AGK: variants seen among roughly 807,000 people sequenced by gnomAD.
AGK encodes the protein acylglycerol kinase, mitochondrial.
In AGK, 52 loss-of-function variants were observed where a neutral mutation model predicts 66.4. The ratio of observed to expected loss-of-function variants is 0.78; its 90% CI spans 0.63 to 0.99. The LOEUF is 0.99. Ranked by LOEUF, AGK falls within the 50% of genes least tolerant of loss-of-function variation. The probability of loss-of-function intolerance (pLI) is 0.00; values close to 1 mark genes in which losing one functional copy is unlikely to be tolerated. For missense variants in AGK, 451 were observed against 506.6 expected, an observed-to-expected ratio of 0.89 and a Z score of 1.05; for synonymous variants, 182 against 181.1, an observed-to-expected ratio of 1.00 and a Z score of -0.04.
Position 141,641,773 on chromosome 7 carries a change from A to G in AGK, c.878-38A>G, listed in dbSNP as rs200792074. The G allele has an allele frequency of 2.3e-4, 353 of 1,529,156 alleles. 1 individual carries two copies. In the African/African-American group the frequency reaches 3.8e-3, roughly 17 times the overall value. The allele number at this position is 1,529,156 out of a possible 1,614,324, so 94.7% of individuals were successfully genotyped here. A position where few individuals can be genotyped will look rare whatever the true frequency, so the allele number is the denominator to read the frequency against. On this transcript the variant is annotated intron_variant, in intron 12 of 15. Transcript: ENST00000649286. ...GTCCGTGGTGGGTGGTGAAATGTTA[A>G]TGGAAGAAACTGACCTGTATCTAAT...
At chr7:141,603,924 C>T (rs1374494617) in intron 5 of AGK, among the ~76,000 whole-genome samples, 1 of 152,108 alleles carries the variant, frequency 6.6e-6, no homozygotes, top group Non-Finnish European at 1.5e-5. Context: ...TCTACAGTGC[C>T]ATTTTCATAC....
intron 9 of AGK, among the ~76,000 whole-genome samples, chr7:141,631,112 T>C (rs1223078013): frequency 6.6e-6 from 1 of 152,164 alleles, no homozygotes; most frequent in Non-Finnish European, 1.5e-5. Flanking sequence ...CTTTATGAGG[T>C]TATTCTGTCA....
At chr7:141,618,325 C>T (rs1212884608) in intron 8 of AGK, among the ~76,000 whole-genome samples, 1 of 152,196 alleles carries the variant, frequency 6.6e-6, no homozygotes, top group East Asian at 1.9e-4. Flanking sequence ...TTGTGACATG[C>T]TGGCTCTGTC....
intron 11 of AGK, among the ~76,000 whole-genome samples, chr7:141,639,423 G>A (rs1461798179): frequency 2.0e-5 from 3 of 152,176 alleles, no homozygotes; most frequent in African/African-American, 7.2e-5. Context: ...GTGAGGAGGT[G>A]AGAAGGGAGA....
intron 8 of AGK, among the ~76,000 whole-genome samples, chr7:141,619,085 T>C (rs1442608943): frequency 3.9e-5 from 6 of 152,130 alleles, no homozygotes. Flanking sequence ...TCTGTGTTCA[T>C]GGATTGTGAG....
At chr7:141,578,599 G>GC (rs1795807530) in intron 2 of AGK, among the ~76,000 whole-genome samples, 1 of 151,878 alleles carries the variant, frequency 6.6e-6, no homozygotes, top group South Asian at 2.1e-4. Flanking sequence ...GCTGCTTCCA[G>GC]CAGGAGTAGG....
intron 8 of AGK, among the ~76,000 whole-genome samples, chr7:141,616,821 C>T (rs1308787099): frequency 6.7e-6 from 1 of 149,480 alleles, no homozygotes; most frequent in Non-Finnish European, 1.5e-5. Flanking sequence ...TGCAGTGGCG[C>T]GAACTCGGCT....
At chr7:141,636,536 G>C (rs991807006) in intron 10 of AGK, among the ~76,000 whole-genome samples, 2 of 152,278 alleles carry the variant, frequency 1.3e-5, no homozygotes, top group African/African-American at 4.8e-5. Context: ...ATGTAGAGAT[G>C]ATTTAAAATA....
chr7:141,634,902 C>A (rs1274993414), intron 10 of AGK, among the ~76,000 whole-genome samples: 3 of 151,444 alleles, frequency 2.0e-5, no homozygotes, highest in Non-Finnish European at 4.4e-5. Flanking sequence ...AGATTCCTGA[C>A]AGTGAAATGT....
intron 2 of AGK, 28 bp from the exon 3 acceptor site, chr7:141,593,118 G>T: frequency 6.2e-7 from 1 of 1,603,100 alleles, no homozygotes; most frequent in South Asian, 1.1e-5. Flanking sequence ...TAAAGCTAAT[G>T]ATTATTCTCT....
At chr7:141,557,181 G>A (rs1795226908) in intron 2 of AGK, among the ~76,000 whole-genome samples, 1 of 152,204 alleles carries the variant, frequency 6.6e-6, no homozygotes, top group Non-Finnish European at 1.5e-5. Context: ...TCACCACTGT[G>A]AGAATAACTT....
chr7:141,560,690 C>G (rs1795321856), intron 2 of AGK, among the ~76,000 whole-genome samples: 3 of 151,958 alleles, frequency 2.0e-5, no homozygotes, highest in Admixed American at 1.3e-4. Context: ...GCTTAGCTCT[C>G]ACTTATAAAT....
chr7:141,573,065 T>C (rs1388606778), intron 2 of AGK, among the ~76,000 whole-genome samples: 2 of 152,192 alleles, frequency 1.3e-5, no homozygotes, highest in Non-Finnish European at 2.9e-5. Context: ...CCTCATGGCT[T>C]TTCCTCATTC....
At chr7:141,612,798 A>G (rs1308987129) in intron 6 of AGK, among the ~76,000 whole-genome samples, 4 of 152,216 alleles carry the variant, frequency 2.6e-5, no homozygotes, top group Admixed American at 2.0e-4. Context: ...CTTTTCTAGC[A>G]GCAGAGTAGT....
intron 14 of AGK, among the ~76,000 whole-genome samples, chr7:141,649,900 C>T (rs1259149074): frequency 6.6e-6 from 1 of 152,222 alleles, no homozygotes; most frequent in East Asian, 1.9e-4. Flanking sequence ...TGGACATTTC[C>T]CAGGCCTTTT....
At chr7:141,636,573 G>A (rs1797174280) in intron 10 of AGK, among the ~76,000 whole-genome samples, 1 of 152,192 alleles carries the variant, frequency 6.6e-6, no homozygotes, top group Non-Finnish European at 1.5e-5. Flanking sequence ...TAGGTTACGT[G>A]CAAATATGCC....
chr7:141,601,992 T>C (rs1796354884), intron 5 of AGK, among the ~76,000 whole-genome samples: 2 of 152,024 alleles, frequency 1.3e-5, no homozygotes, highest in East Asian at 3.8e-4. Flanking sequence ...GATTTTCCAG[T>C]TGTTTGCCCC....
chr7:141,576,487 G>A (rs1173458108), intron 2 of AGK, among the ~76,000 whole-genome samples: 3 of 151,134 alleles, frequency 2.0e-5, no homozygotes, highest in Non-Finnish European at 4.4e-5. Flanking sequence ...GGTAACTCAG[G>A]ATGAGTCAGG....
At chr7:141,573,016 G>T (rs12703390) in intron 2 of AGK, among the ~76,000 whole-genome samples, 7,665 of 152,240 alleles carry the variant, frequency 0.05, 338 homozygotes, top group South Asian at 0.14. Context: ...GGGGCCTGGC[G>T]GCTTCATCCA....
Sources: gnomAD v4.1 joint callset for allele counts (sites outside exome capture counted in the v4.1 genomes callset) on GRCh38, gnomAD v4.1.1 for gene constraint, MANE v1.5 for transcripts, NCBI Gene and HGNC (gene_info 2026-07-23, HGNC 2026-07-21) for gene names.